TTLL11: variants seen among roughly 807,000 people sequenced by gnomAD.
TTLL11 encodes the protein tubulin tyrosine ligase like 11, also known as tubulin polyglutamylase TTLL11.
Under a neutral mutation model 51.7 loss-of-function variants are expected in TTLL11, and 42 were observed. The ratio of observed to expected loss-of-function variants is 0.81; its 90% CI spans 0.64 to 1.05. TTLL11 has a LOEUF of 1.05. Among genes scored for constraint, TTLL11 ranks in the 50% least tolerant of loss-of-function variants. The pLI, the probability that TTLL11 is intolerant of heterozygous loss-of-function variation, is 0.00. For missense variants in TTLL11, 799 were observed against 940.4 expected, an observed-to-expected ratio of 0.85 and a Z score of 1.97; for synonymous variants, 381 against 383.5, an observed-to-expected ratio of 0.99 and a Z score of 0.08.
At position 121,859,059 on chromosome 9, in the gene TTLL11, C is replaced by T. The variant is rs116475195; in HGVS notation, c.1840+1278G>A. 1.8e-3 allele frequency among the ~76,000 whole-genome samples: 277 copies of T among 152,312 alleles called. 3 individuals are homozygous for T. The highest frequency in any genetic ancestry group is 6.4e-3 in the African/African-American group (265 of 41,556). On this transcript the variant is annotated intron_variant, in intron 8 of 8. Coordinates refer to ENST00000321582, the MANE Select transcript of TTLL11 (RefSeq NM_001139442.2). ...TGTGTCACCTGAGCTGCAGTTTACTCGTCTGTGAAATGAGACTCATAATGC... is the reference window on the plus strand; with the variant it reads ...TGTGTCACCTGAGCTGCAGTTTACTTGTCTGTGAAATGAGACTCATAATGC...
Position 121,890,453 on chromosome 9 carries a change from C to T in TTLL11, c.1482-19705G>A, listed in dbSNP as rs1476092947. Among the ~76,000 whole-genome samples the T allele has an allele frequency of 6.6e-6, 1 of 151,988 alleles. No individual in the cohort carries two copies. The highest frequency in any genetic ancestry group is 2.4e-5 in the African/African-American group (1 of 41,346). On this transcript the variant is annotated intron_variant, in intron 6 of 8. Coordinates refer to ENST00000321582, the MANE Select transcript of TTLL11 (RefSeq NM_001139442.2). The surrounding 1 kb of genome is among the most constrained non-coding windows in gnomAD (Gnocchi z 4.3). The stretch of plus-strand genomic sequence containing the variant: ...AATCCCCAAGCCTGTCCCTGGCTCA[C>T]TCCCTCATTTCCTTCAAGTGTGTGT...
intron 6 of TTLL11, among the ~76,000 whole-genome samples, chr9:121,942,987 A>G (rs1385454375): frequency 6.6e-6 from 1 of 152,174 alleles, no homozygotes; most frequent in Admixed American, 6.5e-5. Context: ...GATGGCGTAC[A>G]GTAGACCCTT....
chr9:121,986,899 A>T (rs1842956475), intron 4 of TTLL11, among the ~76,000 whole-genome samples: 1 of 152,058 alleles, frequency 6.6e-6, no homozygotes, highest in Non-Finnish European at 1.5e-5. Flanking sequence ...TGACAGAAGA[A>T]CTGATAATAA....
At chr9:121,922,460 T>C (rs1399771391) in intron 6 of TTLL11, among the ~76,000 whole-genome samples, 1 of 152,216 alleles carries the variant, frequency 6.6e-6, no homozygotes, top group Non-Finnish European at 1.5e-5. Flanking sequence ...TACATTAGAC[T>C]GATAACTACC....
chr9:121,965,752 C>T (rs1343487672), intron 6 of TTLL11, among the ~76,000 whole-genome samples: 2 of 152,132 alleles, frequency 1.3e-5, no homozygotes, highest in Non-Finnish European at 2.9e-5. Flanking sequence ...AACTCCTCTT[C>T]GTTATTTTTG....
At chr9:121,895,580 TG>T (rs1839446919) in intron 6 of TTLL11, among the ~76,000 whole-genome samples, 1 of 151,232 alleles carries the variant, frequency 6.6e-6, no homozygotes, top group Non-Finnish European at 1.5e-5. Context: ...GTTGTGTGTT[TG>T]TGTGACTGTG....
intron 3 of TTLL11, among the ~76,000 whole-genome samples, chr9:122,025,699 T>C (rs1274011941): frequency 6.6e-6 from 1 of 152,224 alleles, no homozygotes; most frequent in Non-Finnish European, 1.5e-5. Flanking sequence ...ACATTGTTGA[T>C]GGGATGATAA....
chr9:121,930,620 C>A (rs1437148069), intron 6 of TTLL11, among the ~76,000 whole-genome samples: 2 of 152,202 alleles, frequency 1.3e-5, no homozygotes, highest in Non-Finnish European at 2.9e-5. Context: ...AGCCAGCCAG[C>A]CGGCAGTGGC....
intron 1 of TTLL11, among the ~76,000 whole-genome samples, chr9:122,083,980 T>C (rs1449919284): frequency 6.6e-6 from 1 of 152,220 alleles, no homozygotes; most frequent in Non-Finnish European, 1.5e-5. Flanking sequence ...TAAGCATATA[T>C]TATTTCTGGA....
At chr9:122,009,146 A>G (rs1001294575) in intron 3 of TTLL11, among the ~76,000 whole-genome samples, 1 of 152,200 alleles carries the variant, frequency 6.6e-6, no homozygotes, top group African/African-American at 2.4e-5. Flanking sequence ...AATGTATTGT[A>G]TTCTTGAAAA....
intron 1 of TTLL11, among the ~76,000 whole-genome samples, chr9:122,056,619 G>T (rs1845297223): frequency 2.0e-5 from 3 of 152,250 alleles, no homozygotes; most frequent in East Asian, 3.9e-4. Context: ...CTGCGGTGAT[G>T]ATGGGGTGTG....
In TTLL11 at chr9:121,944,504, C is replaced by G. The variant is rs545839888; in HGVS notation, c.1481+29505G>C. The stretch of plus-strand genomic sequence containing the variant: ...CCTGGGTGACAGAGTGAGACTCCAT[C>G]TCAAAAAAAAAGGAAAAGAAAATAT... On this transcript the variant is annotated intron_variant, in intron 6 of 8. Transcript: ENST00000321582. 2.3e-5 allele frequency among the ~76,000 whole-genome samples: 3 copies of G among 127,794 alleles called. No homozygotes were observed. In the South Asian group the frequency reaches 8.8e-4, roughly 37 times the overall value. 83.8% of individuals were successfully genotyped at this position (127,794 alleles called of 152,430 possible). A position where few individuals can be genotyped will look rare whatever the true frequency, so the allele number is the denominator to read the frequency against.
chr9:122,035,752 T>C (rs1461051162), intron 2 of TTLL11, among the ~76,000 whole-genome samples: 1 of 152,200 alleles, frequency 6.6e-6, no homozygotes, highest in Non-Finnish European at 1.5e-5. Flanking sequence ...TCATTTCTAA[T>C]GTGTCCCTCT....
chr9:121,998,266 T>G (rs1843345488), intron 3 of TTLL11, among the ~76,000 whole-genome samples: 2 of 152,026 alleles, frequency 1.3e-5, no homozygotes, highest in African/African-American at 4.8e-5. Context: ...TCGCTTAGGG[T>G]TTTTTTCATT....
intron 8 of TTLL11, among the ~76,000 whole-genome samples, chr9:121,845,585 T>C (rs1837494101): frequency 6.6e-6 from 1 of 152,176 alleles, no homozygotes; most frequent in Non-Finnish European, 1.5e-5. Context: ...TGGGTGATTA[T>C]AGCTTGGGGA....
At chr9:122,039,212 G>T in intron 2 of TTLL11, 60 bp downstream of exon 2, 1 of 1,340,494 alleles carries the variant, frequency 7.5e-7, no homozygotes, top group South Asian at 1.2e-5. Context: ...TTTAGTAGAA[G>T]AGTGTATCTG....
At chr9:122,009,738 T>G (rs1373520417) in intron 3 of TTLL11, among the ~76,000 whole-genome samples, 1 of 151,882 alleles carries the variant, frequency 6.6e-6, no homozygotes, top group African/African-American at 2.4e-5. Context: ...TATACACACA[T>G]AGCCATTTTA....
Position 121,914,315 on chromosome 9 carries a change from A to G in TTLL11, c.1482-43567T>C, listed in dbSNP as rs573785031. Among the ~76,000 whole-genome samples, 46 of 152,368 alleles carry G rather than the reference A, an allele frequency of 3.0e-4. No homozygotes were observed. The South Asian group carries it at 6.2e-3, about 21-fold the overall frequency. On this transcript the variant is annotated intron_variant, in intron 6 of 8. Transcript: ENST00000321582. ...TAGCCTGGCAGGCAGAGCCTAAGCT[A>G]GTTCCTATCAACCTTTTACAGGGAA...
chr9:122,003,462 A>C (rs972086639), intron 3 of TTLL11, among the ~76,000 whole-genome samples: 2 of 150,208 alleles, frequency 1.3e-5, no homozygotes, highest in Non-Finnish European at 3.0e-5. Context: ...CTTCAACTTT[A>C]ATCGAAATAT....
Sources: gnomAD v4.1 joint callset for allele counts (sites outside exome capture counted in the v4.1 genomes callset) on GRCh38, gnomAD v4.1.1 for gene constraint, Gnocchi (gnomAD v3.1) non-coding constraint, MANE v1.5 for transcripts, NCBI Gene and HGNC (gene_info 2026-07-23, HGNC 2026-07-21) for gene names.